The following KCNIP4 variants were observed in gnomAD, a reference collection of about 807,000 sequenced individuals.
The protein encoded by KCNIP4 is Kv channel-interacting protein 4.
Under a neutral mutation model 34.0 loss-of-function variants are expected in KCNIP4, and 12 were observed. The observed-to-expected ratio is 0.35, with a 90% CI of 0.23 to 0.57. The LOEUF (loss-of-function observed/expected upper bound fraction) is 0.57, where lower values mean the gene tolerates loss of function less well. Ranked by LOEUF, KCNIP4 falls within the 20% of genes least tolerant of loss-of-function variation. The pLI is 0.83. For missense variants in KCNIP4, 238 were observed against 311.7 expected, an observed-to-expected ratio of 0.76 and a Z score of 1.78; for synonymous variants, 124 against 102.2, an observed-to-expected ratio of 1.21 and a Z score of -1.29.
intron 1 of KCNIP4, among the ~76,000 whole-genome samples, chr4:21,049,128 T>C (rs1043817630): frequency 5.3e-5 from 8 of 151,102 alleles, no homozygotes; most frequent in African/African-American, 1.9e-4. Flanking sequence ...TTTTTTGTAT[T>C]TTTAGTAGAG....
intron 1 of KCNIP4, among the ~76,000 whole-genome samples, chr4:21,549,146 A>G (rs1738362154): frequency 2.0e-5 from 3 of 152,010 alleles, no homozygotes; most frequent in Non-Finnish European, 2.9e-5. Flanking sequence ...CCTTCTTCCA[A>G]TAATAGATGC....
chr4:20,818,354 C>T (rs982675899), intron 3 of KCNIP4, among the ~76,000 whole-genome samples: 6 of 152,152 alleles, frequency 3.9e-5, no homozygotes, highest in Admixed American at 3.9e-4. Flanking sequence ...AAATGACAGT[C>T]TAAGAAGGAA....
chr4:21,583,157 T>TA (rs200023451), intron 1 of KCNIP4, among the ~76,000 whole-genome samples: 3 of 151,842 alleles, frequency 2.0e-5, no homozygotes, highest in Non-Finnish European at 4.4e-5. Context: ...TCCATCATCT[T>TA]AAAAAAATGG....
At chr4:21,584,284 C>T (rs1176564797) in intron 1 of KCNIP4, among the ~76,000 whole-genome samples, 3 of 151,924 alleles carry the variant, frequency 2.0e-5, no homozygotes, top group Non-Finnish European at 4.4e-5. Flanking sequence ...TTTTGTTTCC[C>T]TTTTGAAAAC....
chr4:21,204,576 G>A lies in KCNIP4; in HGVS notation c.62-321867C>T, dbSNP rs575951676. 2.6e-5 allele frequency among the ~76,000 whole-genome samples: 4 copies of A among 152,224 alleles called. No individual in the cohort carries two copies. In the South Asian group the frequency reaches 8.3e-4, roughly 32 times the overall value. On this transcript the variant is annotated intron_variant, in intron 1 of 8. Transcript: ENST00000382152. The stretch of plus-strand genomic sequence containing the variant: ...GACTAGATAACTTTGACTTTCCTTA[G>A]AGGTCTAATAATCCATGAAATTAAA...
chr4:20,733,632 AAC>A (rs1351985481), intron 6 of KCNIP4, among the ~76,000 whole-genome samples: 1 of 152,242 alleles, frequency 6.6e-6, no homozygotes, highest in Non-Finnish European at 1.5e-5. Context: ...AGATGTGTTA[AAC>A]ACAGAGGTAA....
chr4:21,277,686 A>G (rs1219551564), intron 1 of KCNIP4, among the ~76,000 whole-genome samples: 1 of 152,236 alleles, frequency 6.6e-6, no homozygotes, highest in Non-Finnish European at 1.5e-5. Flanking sequence ...GAGACTCAAT[A>G]TCTGACTAAC....
At chr4:21,760,994 A>G (rs1718010955) in intron 1 of KCNIP4, among the ~76,000 whole-genome samples, 1 of 152,196 alleles carries the variant, frequency 6.6e-6, no homozygotes, top group African/African-American at 2.4e-5. Context: ...AAGAACTTAT[A>G]AATCTCATAA....
At chr4:21,805,306 T>G (rs544110787) in intron 1 of KCNIP4, among the ~76,000 whole-genome samples, 1 of 152,264 alleles carries the variant, frequency 6.6e-6, no homozygotes, top group African/African-American at 2.4e-5. Flanking sequence ...ACTTGTACTC[T>G]CCATAATTCC....
intron 1 of KCNIP4, among the ~76,000 whole-genome samples, chr4:20,967,624 C>G (rs147544751): frequency 6.6e-6 from 1 of 152,094 alleles, no homozygotes; most frequent in Non-Finnish European, 1.5e-5. Flanking sequence ...GAAATAACAC[C>G]GTATGTCTAC....
intron 1 of KCNIP4, among the ~76,000 whole-genome samples, chr4:21,100,196 C>T (rs1326585951): frequency 4.6e-5 from 7 of 152,142 alleles, no homozygotes; most frequent in Admixed American, 1.3e-4. Flanking sequence ...TTGCATGCAA[C>T]GGAAAAATCT....
intron 1 of KCNIP4, among the ~76,000 whole-genome samples, chr4:21,864,849 A>G (rs1259808190): frequency 6.6e-6 from 1 of 152,228 alleles, no homozygotes; most frequent in East Asian, 1.9e-4. Flanking sequence ...AATAAAAGAG[A>G]GAAAGAATGC....
chr4:21,285,824 C>G (rs1363697638), intron 1 of KCNIP4, among the ~76,000 whole-genome samples: 6 of 152,108 alleles, frequency 3.9e-5, no homozygotes, highest in Admixed American at 2.0e-4. Context: ...CTGGGTGATA[C>G]AGCGAGATCC....
chr4:20,807,109 C>T (rs997135960), intron 3 of KCNIP4, among the ~76,000 whole-genome samples: 4 of 152,048 alleles, frequency 2.6e-5, no homozygotes, highest in African/African-American at 9.7e-5. Flanking sequence ...ATTCTCTCAC[C>T]ATTTTTTAAA....
chr4:21,153,175 G>C (rs1273248544), intron 1 of KCNIP4, among the ~76,000 whole-genome samples: 3 of 152,080 alleles, frequency 2.0e-5, no homozygotes, highest in Non-Finnish European at 4.4e-5. Flanking sequence ...TTGGCTCAAA[G>C]GGTAAATACA....
intron 1 of KCNIP4, among the ~76,000 whole-genome samples, chr4:21,817,850 C>T (rs564702734): frequency 1.3e-5 from 2 of 152,172 alleles, no homozygotes; most frequent in African/African-American, 2.4e-5. Flanking sequence ...AATATGTGCA[C>T]CGCTGAACAC....
intron 1 of KCNIP4, among the ~76,000 whole-genome samples, chr4:21,112,824 A>T: frequency 6.6e-6 from 1 of 152,260 alleles, no homozygotes; most frequent in East Asian, 1.9e-4. Flanking sequence ...TTCCATACTC[A>T]TCTGGCTTCT....
intron 1 of KCNIP4, among the ~76,000 whole-genome samples, chr4:21,062,563 A>C (rs958467164): frequency 1.3e-5 from 2 of 148,684 alleles, no homozygotes; most frequent in Non-Finnish European, 3.0e-5. Flanking sequence ...TGTCACACAG[A>C]GATTATTATA....
chr4:21,434,507 C>T (rs894010608), intron 1 of KCNIP4, among the ~76,000 whole-genome samples: 3 of 152,086 alleles, frequency 2.0e-5, no homozygotes, highest in Non-Finnish European at 4.4e-5. Context: ...GACCCTCTCC[C>T]CACCCAGGAC....
Sources: gnomAD v4.1 joint callset for allele counts (sites outside exome capture counted in the v4.1 genomes callset) on GRCh38, gnomAD v4.1.1 for gene constraint, MANE v1.5 for transcripts, NCBI Gene and HGNC (gene_info 2026-07-23, HGNC 2026-07-21) for gene names.